Variants in OSGIN2 observed in about 807,000 individuals in gnomAD.
OSGIN2 encodes oxidative stress induced growth inhibitor family member 2.
In OSGIN2, 19 loss-of-function variants were observed where a neutral mutation model predicts 53.8. That is an observed-to-expected ratio of 0.35 (90% CI 0.25 to 0.52). The LOEUF is 0.52. OSGIN2 is among the 20% of genes least tolerant of loss of function. The pLI, the probability that OSGIN2 is intolerant of heterozygous loss-of-function variation, is 0.95. For synonymous variants in OSGIN2, 236 were observed against 236.0 expected (o/e 1.00, Z 0.00); for missense variants, 520 against 662.7 (o/e 0.78, Z 2.36).
intron 4 of OSGIN2, among the ~76,000 whole-genome samples, chr8:89,915,816 C>T (rs1034758423): frequency 3.9e-5 from 6 of 152,084 alleles, no homozygotes; most frequent in African/African-American, 1.4e-4. Flanking sequence ...TTCAGGGTAT[C>T]GGGACATTCC....
intron 1 of OSGIN2, among the ~76,000 whole-genome samples, chr8:89,905,921 A>G (rs572449322): frequency 5.9e-5 from 9 of 152,380 alleles, no homozygotes; most frequent in Admixed American, 2.0e-4. Context: ...GAAATTAACA[A>G]AGGTATTTCA....
Position 89,924,846 on chromosome 8 carries a change from T to C in OSGIN2, c.964T>C (p.Phe322Leu), listed in dbSNP as rs960014704. The stretch of plus-strand genomic sequence containing the variant: ...CCATCTGGAAATTGAAGGGGAAGAT[T>C]TTCCTTTTGTGTTTCATTCAATGCC... The part of the protein sequence containing the change: ...PAHLEIEGED[F>L]PFVFHSMPEF... The change falls in exon 6 of 6, where the codon TTT becomes CTT. Residue 322 changes from phenylalanine to leucine, a missense_variant. By Grantham distance (22) the Phe-to-Leu change is conservative. Coordinates refer to ENST00000451899, the MANE Select transcript of OSGIN2 (RefSeq NM_001126111.3). 1 of 1,614,062 alleles carries C rather than the reference T, an allele frequency of 6.2e-7. No individual in the cohort carries two copies. The highest frequency in any genetic ancestry group is 8.5e-7 in the Non-Finnish European group (1 of 1,180,020).
In OSGIN2 at chr8:89,925,159, G is replaced by A. The variant is rs368773675; in HGVS notation, c.1277G>A (p.Arg426His). 2.2e-5 allele frequency: 35 copies of A among 1,613,976 alleles called. No individual in the cohort carries two copies. In the African/African-American group the frequency reaches 3.1e-4, roughly 14 times the overall value. ...GATTATACCAGCTTTCCCGAGCACC[G>A]TGTGCTTTCCTTTAAGTCGGACATG... ...LSDYTSFPEH[R>H]VLSFKSDMKC... Residue 426 changes from arginine (R) to histidine (H), a missense_variant, in exon 6 of 6, where the codon CGT (arginine) becomes CAT (histidine). Physicochemically the swap from Arg to His is conservative, Grantham distance 29. This residue lies in a region of OSGIN2 where 239 missense variants were observed against 328.3 expected (regional missense o/e 0.73). Coordinates refer to ENST00000451899, the MANE Select transcript of OSGIN2 (RefSeq NM_001126111.3).
chr8:89,908,013 A>C (rs1397543257), intron 1 of OSGIN2, among the ~76,000 whole-genome samples: 1 of 152,146 alleles, frequency 6.6e-6, no homozygotes, highest in African/African-American at 2.4e-5. Context: ...GATCAAAATG[A>C]CTTTGATCAG....
At chr8:89,904,982 C>T (rs1808804319) in intron 1 of OSGIN2, among the ~76,000 whole-genome samples, 1 of 152,172 alleles carries the variant, frequency 6.6e-6, no homozygotes. Context: ...TCATTTGTGG[C>T]TTTAGAACCT....
rs187901380 is a variant in OSGIN2 at position 89,911,499 on chromosome 8, G to A, written c.199+1778G>A. ...ACAAAAATTAGCCGGGCATGGTGGC[G>A]GGCAACTGTAATCCTAGCTACTTGG... is the stretch of plus-strand genomic sequence containing the variant. On this transcript the variant is annotated intron_variant, in intron 2 of 5. Transcript: ENST00000451899. Among the ~76,000 whole-genome samples the A allele has an allele frequency of 5.9e-3, 897 of 151,878 alleles. 8 individuals carry two copies. Among genetic ancestry groups the A allele is most frequent in the Middle Eastern group, 0.017 (5 of 294 alleles).
intron 5 of OSGIN2, among the ~76,000 whole-genome samples, chr8:89,922,536 A>G (rs1306092388): frequency 1.3e-5 from 2 of 152,196 alleles, no homozygotes; most frequent in Non-Finnish European, 2.9e-5. Flanking sequence ...TTGAAGTAAT[A>G]TGTGCAAATG....
Position 89,924,579 on chromosome 8 carries a change from C to G in OSGIN2, c.697C>G (p.Gln233Glu). 1 of 1,613,680 alleles carries G rather than the reference C, an allele frequency of 6.2e-7. No individual in the cohort carries two copies. Among genetic ancestry groups the G allele is most frequent in the Non-Finnish European group, 8.5e-7 (1 of 1,179,740 alleles). Residue 233 changes from glutamine (Q) to glutamate (E), a missense_variant, in exon 6 of 6, where the codon CAG (glutamine) becomes GAG (glutamate). Coordinates refer to ENST00000451899, the MANE Select transcript of OSGIN2 (RefSeq NM_001126111.3). Reference sequence around the variant, plus strand: ...ACATTATGTAAAAGTCATGGGTCTTCAGAAGAATTTCAGAGAGAATACTTA... The same window carrying G: ...ACATTATGTAAAAGTCATGGGTCTTGAGAAGAATTTCAGAGAGAATACTTA... ...YKHYVKVMGL[Q>E]KNFRENTYIT...
intron 5 of OSGIN2, among the ~76,000 whole-genome samples, chr8:89,922,165 G>A (rs1376533113): frequency 6.6e-6 from 1 of 152,110 alleles, no homozygotes; most frequent in Non-Finnish European, 1.5e-5. Flanking sequence ...AAAATAAGAA[G>A]TTACGTAACC....
chr8:89,922,987 A>T (rs568843297), intron 5 of OSGIN2, among the ~76,000 whole-genome samples: 2 of 152,278 alleles, frequency 1.3e-5, no homozygotes, highest in East Asian at 3.9e-4. Context: ...TAAAAGATTT[A>T]AAATGGTATA....
At chr8:89,923,063 G>A (rs1809242906) in intron 5 of OSGIN2, among the ~76,000 whole-genome samples, 1 of 152,182 alleles carries the variant, frequency 6.6e-6, no homozygotes, top group South Asian at 2.1e-4. Context: ...AATGGAGCTT[G>A]GAGGGCTGGA....
intron 2 of OSGIN2, among the ~76,000 whole-genome samples, chr8:89,911,731 G>A (rs1300155390): frequency 3.3e-5 from 5 of 150,852 alleles, no homozygotes; most frequent in East Asian, 3.9e-4. Context: ...TCAGGAGATC[G>A]AGACCATCCT....
Position 89,924,811 on chromosome 8 carries a change from A to C in OSGIN2, c.929A>C (p.Asp310Ala), listed in dbSNP as rs1586011252. The change falls in exon 6 of 6, where the codon GAT becomes GCT. Residue 310 changes from aspartate (D) to alanine (A), a missense_variant. By Grantham distance (126) the Asp-to-Ala change is moderately radical. Around this residue, in one of 3 missense-constraint regions of OSGIN2, gnomAD observed 239 missense variants for 328.3 expected, o/e 0.73. Coordinates refer to ENST00000451899, the MANE Select transcript of OSGIN2 (RefSeq NM_001126111.3). ...ENVALATGTL[D>A]SPAHLEIEGE... is the part of the protein sequence containing the mutation. ...GTAGCGCTGGCAACTGGAACGCTGGATTCTCCTGCCCATCTGGAAATTGAA... is the reference window on the plus strand; with the variant it reads ...GTAGCGCTGGCAACTGGAACGCTGGCTTCTCCTGCCCATCTGGAAATTGAA... The C allele has an allele frequency of 6.2e-7, 1 of 1,614,208 alleles. No homozygotes were observed. Among genetic ancestry groups the C allele is most frequent in the East Asian group, 2.2e-5 (1 of 44,880 alleles).
intron 2 of OSGIN2, among the ~76,000 whole-genome samples, chr8:89,912,671 A>C (rs561180251): frequency 6.6e-6 from 1 of 151,924 alleles, no homozygotes; most frequent in Non-Finnish European, 1.5e-5. Context: ...GCTTGAACCC[A>C]GGAGGCAGAG....
chr8:89,909,338 GT>G (rs1251747954), intron 1 of OSGIN2, among the ~76,000 whole-genome samples: 1 of 151,908 alleles, frequency 6.6e-6, no homozygotes, highest in Non-Finnish European at 1.5e-5. Flanking sequence ...GAAGATACTT[GT>G]GAGAGAAAAG....
intron 1 of OSGIN2, among the ~76,000 whole-genome samples, chr8:89,906,504 C>T (rs1223443634): frequency 3.3e-5 from 5 of 152,122 alleles, no homozygotes; most frequent in African/African-American, 9.7e-5. Flanking sequence ...TCATTTAGCT[C>T]CCCCTTATAA....
intron 1 of OSGIN2, among the ~76,000 whole-genome samples, chr8:89,903,706 T>G (rs1808777824): frequency 6.6e-6 from 1 of 152,166 alleles, no homozygotes; most frequent in Non-Finnish European, 1.5e-5. Context: ...AATATTCAGT[T>G]AAAATATAAG....
intron 4 of OSGIN2, 136 bp from the exon 5 acceptor site, chr8:89,920,944 T>G (rs908329614): frequency 3.6e-6 from 2 of 554,494 alleles, no homozygotes; most frequent in Non-Finnish European, 6.4e-6. Context: ...AGCCAACCAT[T>G]TAGGACTGCA....
chr8:89,918,331 C>A (rs1286606376), intron 4 of OSGIN2, among the ~76,000 whole-genome samples: 1 of 151,992 alleles, frequency 6.6e-6, no homozygotes, highest in Non-Finnish European at 1.5e-5. Context: ...GAGAGGGTCT[C>A]ACTCTGTCAT....
Sources: gnomAD v4.1 joint callset for allele counts (sites outside exome capture counted in the v4.1 genomes callset) on GRCh38, gnomAD v4.1.1 for gene constraint, gnomAD v4.1.1 regional missense constraint, MANE v1.5 for transcripts, NCBI Gene and HGNC (gene_info 2026-07-23, HGNC 2026-07-21) for gene names.